The following CCNA1 variants were observed in gnomAD, a reference collection of about 807,000 sequenced individuals.
CCNA1 encodes cyclin-A1.
Under a neutral mutation model 54.1 loss-of-function variants are expected in CCNA1, and 23 were observed. The observed-to-expected ratio is 0.42, with a 90% CI of 0.31 to 0.60. CCNA1 has a LOEUF of 0.60. Ranked by LOEUF, CCNA1 falls within the 20% of genes least tolerant of loss-of-function variation. The probability of loss-of-function intolerance (pLI) is 0.14; values close to 1 mark genes in which losing one functional copy is unlikely to be tolerated. For synonymous variants in CCNA1, 208 were observed against 213.9 expected (o/e 0.97, Z 0.24); for missense variants, 450 against 556.7 (o/e 0.81, Z 1.93).
chr13:36,438,440 C>G (rs1432062608), intron 4 of CCNA1, among the ~76,000 whole-genome samples: 1 of 152,000 alleles, frequency 6.6e-6, no homozygotes, highest in Non-Finnish European at 1.5e-5. Flanking sequence ...TCTCCCCTGC[C>G]CCCCCAACCC....
At chr13:36,439,379 A>G (rs544213326) in intron 5 of CCNA1, among the ~76,000 whole-genome samples, 1 of 152,318 alleles carries the variant, frequency 6.6e-6, no homozygotes, top group East Asian at 1.9e-4. Context: ...CCTGTTGCTG[A>G]GTGGTAGTTT....
At chr13:36,442,540 G>A in intron 8 of CCNA1, 74 bp from the exon 9 acceptor site, 1 of 1,503,206 alleles carries the variant, frequency 6.7e-7, no homozygotes, top group South Asian at 1.1e-5. Flanking sequence ...CTACTGGAAA[G>A]TTTTCTGTGA....
chr13:36,432,632 G>T lies in CCNA1; in HGVS notation c.11G>T (p.Gly4Val), dbSNP rs757517822. ...TGCTCGTCACTTGGGATGGAGACCGGCTTTCCCGCAATCATGTACCCTGGA... is the reference window on the plus strand; with the variant it reads ...TGCTCGTCACTTGGGATGGAGACCGTCTTTCCCGCAATCATGTACCCTGGA... The change falls in exon 1 of 9, where the codon GGC (glycine) becomes GTC (valine). Residue 4 changes from glycine to valine, a missense_variant. By Grantham distance (109) the Gly-to-Val change is moderately radical. Around this residue, in one of 6 missense-constraint regions of CCNA1, gnomAD observed 103 missense variants for 100.9 expected, o/e 1.02. Transcript: ENST00000255465. The T allele has an allele frequency of 1.3e-6, 2 of 1,594,418 alleles. No individual in the cohort carries two copies. The highest frequency in any genetic ancestry group is 1.7e-6 in the Non-Finnish European group (2 of 1,171,358).
upstream of CCNA1, chr13:36,432,384 T>C (rs1201670527): frequency 2.1e-5 from 4 of 193,072 alleles, no homozygotes; most frequent in South Asian, 6.5e-5. Context: ...TGCCCTTCCC[T>C]GCCCTTCCCC....
rs767007371 is a variant in CCNA1 at position 36,433,418 on chromosome 13, C to CT, written c.297+200dup. Among the ~76,000 whole-genome samples, 111 of 119,706 alleles carry CT rather than the reference C, an allele frequency of 9.3e-4. 4 individuals carry two copies. Among genetic ancestry groups the CT allele is most frequent in the African/African-American group, 3.3e-3 (103 of 30,850 alleles). 78.5% of individuals were successfully genotyped at this position (119,706 alleles called of 152,430 possible). A position where few individuals can be genotyped will look rare whatever the true frequency, so the allele number is the denominator to read the frequency against. On this transcript the variant is annotated intron_variant, in intron 2 of 8. Coordinates refer to ENST00000255465, the MANE Select transcript of CCNA1 (RefSeq NM_003914.4). ...TCTTTCTTTCTTTCTTTCTTTCTTT[C>CT]TTTCTTTCTTTCTTTCTTTCTTTCG... is the stretch of plus-strand genomic sequence containing the variant.
At chr13:36,435,436 C>T in intron 2 of CCNA1, among the ~76,000 whole-genome samples, 1 of 152,202 alleles carries the variant, frequency 6.6e-6, no homozygotes, top group Non-Finnish European at 1.5e-5. Context: ...TATTTGGACT[C>T]AATTCATAGT....
intron 5 of CCNA1, among the ~76,000 whole-genome samples, chr13:36,439,745 G>T (rs1490477457): frequency 6.6e-6 from 1 of 152,134 alleles, no homozygotes; most frequent in Non-Finnish European, 1.5e-5. Context: ...GTTGGAAATT[G>T]TTTCTGTTAC....
chr13:36,432,515 A>AGG lies in CCNA1; in HGVS notation c.-107_-106insGG, dbSNP rs2055724956. ...TTGCCAGTTGTTCCGGACACATAGAAAGATAACGACGGGAAGAGCGGGGCC... is the reference window on the plus strand; with the variant it reads ...TTGCCAGTTGTTCCGGACACATAGAAGGAGATAACGACGGGAAGAGCGGGGCC... On this transcript the variant is annotated 5_prime_UTR_variant, in exon 1 of 9. Coordinates refer to ENST00000255465, the MANE Select transcript of CCNA1 (RefSeq NM_003914.4). 1.5e-6 allele frequency: 1 copy of AGG among 661,152 alleles called. No homozygotes were observed. Among genetic ancestry groups the AGG allele is most frequent in the African/African-American group, 1.8e-5 (1 of 54,464 alleles). 41.0% of individuals were successfully genotyped at this position (661,152 alleles called of 1,614,324 possible).
At chr13:36,437,960 A>G in intron 3 of CCNA1, 85 bp downstream of exon 3, 1 of 1,569,376 alleles carries the variant, frequency 6.4e-7, no homozygotes, top group Non-Finnish European at 8.7e-7. Flanking sequence ...AACTAGCAAG[A>G]GAAAAACAGC....
At chr13:36,437,498 A>T in intron 2 of CCNA1, 131 bp from the exon 3 acceptor site, 1 of 864,742 alleles carries the variant, frequency 1.2e-6, no homozygotes, top group Non-Finnish European at 1.8e-6. Context: ...TTTGGAATTA[A>T]ATTGCCGACA....
chr13:36,432,868 G>A (rs2055732613), intron 1 of CCNA1, 139 bp downstream of exon 1: 7 of 951,338 alleles, frequency 7.4e-6, no homozygotes, highest in African/African-American at 1.6e-5. Flanking sequence ...TTGATCGCCT[G>A]TGCGGTCGCA....
chr13:36,432,556 G>A lies in CCNA1; in HGVS notation c.-66G>A. ...GAGCGGGGCCCGCTTTGGGGTCCAG[G>A]CAGGTTTTGGGGCCTCCTGTCTGGT... On this transcript the variant is annotated 5_prime_UTR_variant, in exon 1 of 9. Coordinates refer to ENST00000255465, the MANE Select transcript of CCNA1 (RefSeq NM_003914.4). 1.1e-6 allele frequency: 1 copy of A among 921,656 alleles called. No homozygotes were observed. The highest frequency in any genetic ancestry group is 1.7e-6 in the Non-Finnish European group (1 of 605,480). The allele number at this position is 921,656 out of a possible 1,614,324, so 57.1% of individuals were successfully genotyped here.
At chr13:36,435,915 T>C (rs141658475) in intron 2 of CCNA1, among the ~76,000 whole-genome samples, 124 of 152,374 alleles carry the variant, frequency 8.1e-4, no homozygotes, top group African/African-American at 2.6e-3. Flanking sequence ...CTTTCTGTTA[T>C]TTAGCCTCCA....
intron 2 of CCNA1, 136 bp from the exon 3 acceptor site, chr13:36,437,493 A>AC: frequency 1.2e-6 from 1 of 809,490 alleles, no homozygotes; most frequent in Non-Finnish European, 2.0e-6. Flanking sequence ...TTTTTTTTGG[A>AC]ATTAAATTGC....
At position 36,433,812 on chromosome 13, in the gene CCNA1, A is replaced by T. The variant is rs556506915; in HGVS notation, c.297+591A>T. Among the ~76,000 whole-genome samples the T allele has an allele frequency of 2.6e-5, 4 of 152,232 alleles. No individual in the cohort carries two copies. In the East Asian group the frequency reaches 7.7e-4, roughly 29 times the overall value. On this transcript the variant is annotated intron_variant, in intron 2 of 8. Coordinates refer to ENST00000255465, the MANE Select transcript of CCNA1 (RefSeq NM_003914.4). ...CACCTCGGCCTCCCAAAGTGTTGGG[A>T]TTACAGGCGTCAGCCACGGTGGCAG...
At chr13:36,439,822 A>C (rs1026430784) in intron 5 of CCNA1, among the ~76,000 whole-genome samples, 157 bp from the exon 6 acceptor site, 1 of 152,174 alleles carries the variant, frequency 6.6e-6, no homozygotes, top group Non-Finnish European at 1.5e-5. Flanking sequence ...ACAAGCTCCT[A>C]GTACTTTCAT....
chr13:36,437,562 A>T lies in CCNA1; in HGVS notation c.298-67A>T, dbSNP rs545168115. On this transcript the variant is annotated intron_variant, in intron 2 of 8. Transcript: ENST00000255465. Reference sequence around the variant, plus strand: ...CCTTCCCAGGCTGTTGGTTTGAGTCATGCAGGTTCACATTGCCTCTGTGGT... The same window carrying T: ...CCTTCCCAGGCTGTTGGTTTGAGTCTTGCAGGTTCACATTGCCTCTGTGGT... The T allele has an allele frequency of 4.0e-6, 6 of 1,501,578 alleles. No individual in the cohort carries two copies. In the African/African-American group the frequency reaches 8.3e-5, roughly 21 times the overall value. 93.0% of individuals were successfully genotyped at this position (1,501,578 alleles called of 1,614,324 possible). A position where few individuals can be genotyped will look rare whatever the true frequency, so the allele number is the denominator to read the frequency against.
At position 36,442,156 on chromosome 13, in the gene CCNA1, T is replaced by C. The variant is rs747105720; in HGVS notation, c.1213-15T>C. 1.2e-6 allele frequency: 2 copies of C among 1,602,034 alleles called. No individual in the cohort carries two copies. The highest frequency in any genetic ancestry group is 4.5e-5 in the East Asian group (2 of 44,632). The stretch of plus-strand genomic sequence containing the variant: ...AAAGTTATGTGAAGCAATTTTTTTC[T>C]TTTGTCTTGATTAGCCAGAAACCCT... On this transcript the variant is annotated splice_polypyrimidine_tract_variant and intron_variant, in intron 7 of 8. Transcript: ENST00000255465.
intron 2 of CCNA1, among the ~76,000 whole-genome samples, chr13:36,436,196 C>T (rs965847752): frequency 1.3e-5 from 2 of 152,156 alleles, no homozygotes; most frequent in African/African-American, 4.8e-5. Flanking sequence ...ATTCCAGTGG[C>T]TCCTGTCTCT....
Sources: gnomAD v4.1 joint callset for allele counts (sites outside exome capture counted in the v4.1 genomes callset) on GRCh38, gnomAD v4.1.1 for gene constraint, gnomAD v4.1.1 regional missense constraint, MANE v1.5 for transcripts, NCBI Gene and HGNC (gene_info 2026-07-23, HGNC 2026-07-21) for gene names.